The following SLAMF9 variants were observed in gnomAD, a reference collection of about 807,000 sequenced individuals.
SLAMF9 encodes the protein SLAM family member 9, also known as CD2 family member 10.
A neutral mutation model predicts 30.4 loss-of-function variants in SLAMF9; 25 were observed. That is an observed-to-expected ratio of 0.82 (90% confidence interval 0.60 to 1.15). The LOEUF is 1.15. SLAMF9 is among the 50% of genes most tolerant of loss of function. The pLI, the probability that SLAMF9 is intolerant of heterozygous loss-of-function variation, is 0.00. For synonymous variants in SLAMF9, 129 were observed against 127.2 expected, an observed-to-expected ratio of 1.01 and a Z score of -0.09; for missense variants, 344 against 346.1, an observed-to-expected ratio of 0.99 and a Z score of 0.05.
chr1:159,956,322 G>T (rs903972208), upstream of SLAMF9, among the ~76,000 whole-genome samples: 2 of 152,126 alleles, frequency 1.3e-5, no homozygotes, highest in African/African-American at 4.8e-5. Context: ...TTTTAAACAT[G>T]ATCAGGGCAT....
At chr1:159,969,758 A>G in the SLAMF9 span, among the ~76,000 whole-genome samples, 2 of 152,224 alleles carry the variant, frequency 1.3e-5, no homozygotes, top group Non-Finnish European at 2.9e-5. Flanking sequence ...AATAGTGTTT[A>G]TTAGCTGGGT....
upstream of SLAMF9, among the ~76,000 whole-genome samples, chr1:159,958,525 A>G (rs71628160): frequency 0.023 from 3,489 of 151,924 alleles, 59 homozygotes; most frequent in Middle Eastern, 0.054. Flanking sequence ...CAGTGGTGCA[A>G]TCATGGCTCA....
the SLAMF9 span, among the ~76,000 whole-genome samples, chr1:159,982,099 C>G: frequency 7.0e-3 from 1,059 of 152,352 alleles, 4 homozygotes; most frequent in South Asian, 0.021. Flanking sequence ...AGTTGTCCTT[C>G]CTTCAATTCA....
the SLAMF9 span, among the ~76,000 whole-genome samples, chr1:159,964,676 G>A: frequency 3.9e-5 from 6 of 152,186 alleles, no homozygotes; most frequent in African/African-American, 1.4e-4. Context: ...ACAGTTTAAC[G>A]GCAAACCTGG....
the SLAMF9 span, among the ~76,000 whole-genome samples, chr1:159,962,182 C>T: frequency 2.0e-5 from 3 of 151,614 alleles, no homozygotes; most frequent in African/African-American, 4.9e-5. Context: ...TTACCTTTGA[C>T]GGCAAGGGGA....
chr1:159,958,864 T>G (rs1328465737), upstream of SLAMF9, among the ~76,000 whole-genome samples: 2 of 152,210 alleles, frequency 1.3e-5, no homozygotes, highest in Non-Finnish European at 2.9e-5. Flanking sequence ...GGTAGTCTTC[T>G]CTGCCTCAGA....
At chr1:159,968,370 A>G in the SLAMF9 span, among the ~76,000 whole-genome samples, 2 of 152,078 alleles carry the variant, frequency 1.3e-5, no homozygotes, top group East Asian at 3.9e-4. Context: ...TGTACCAAGT[A>G]TTTACTTAGC....
chr1:159,953,269 G>C, intron 2 of SLAMF9, 40 bp downstream of exon 2: 1 of 1,531,584 alleles, frequency 6.5e-7, no homozygotes, highest in South Asian at 1.2e-5. Context: ...GCTCAGAAGA[G>C]CCCCCAAAAC....
intron 2 of SLAMF9, 60 bp downstream of exon 2, chr1:159,953,249 G>T: frequency 2.1e-6 from 3 of 1,411,044 alleles, no homozygotes; most frequent in African/African-American, 1.4e-5. Context: ...CCCACTCCAT[G>T]GTGTGAGAAG....
chr1:159,972,755 G>A, the SLAMF9 span: 1 of 432,782 alleles, frequency 2.3e-6, no homozygotes, highest in Admixed American at 3.7e-5. Context: ...AGCCCCTCTG[G>A]GCCTCACAGA....
At chr1:159,983,633 A>T in the SLAMF9 span, 2 of 152,348 alleles carry the variant, frequency 1.3e-5, no homozygotes, top group Admixed American at 1.3e-4. Flanking sequence ...CTTGCTTGAG[A>T]GGTCAAGCTT....
intron 2 of SLAMF9, 124 bp downstream of exon 2, chr1:159,953,185 G>T: frequency 1.3e-6 from 1 of 756,336 alleles, no homozygotes; most frequent in Non-Finnish European, 2.2e-6. Context: ...CTAGATTGGA[G>T]ACAGTCTGCC....
At chr1:159,956,964 C>CA (rs1651933661), upstream of SLAMF9, among the ~76,000 whole-genome samples, 1 of 151,250 alleles carries the variant, frequency 6.6e-6, no homozygotes, top group Non-Finnish European at 1.5e-5. Context: ...CTAAAAAACA[C>CA]AAAAAAGCTT....
chr1:159,972,440 C>T, the SLAMF9 span: 1 of 152,766 alleles, frequency 6.5e-6, no homozygotes, highest in African/African-American at 2.4e-5. Flanking sequence ...ACACATCTGC[C>T]TCCTCCAAGC....
the SLAMF9 span, chr1:159,972,816 G>C: frequency 3.4e-6 from 3 of 875,794 alleles, no homozygotes; most frequent in African/African-American, 5.2e-5. Flanking sequence ...GTGGTGCAGA[G>C]TGAGCACAGG....
chr1:159,960,728 ACAGGCATGAGT>A, the SLAMF9 span, among the ~76,000 whole-genome samples: 16,464 of 152,142 alleles, frequency 0.11, 988 homozygotes, highest in Middle Eastern at 0.2. Context: ...TGCTGGGATT[ACAGGCATGAGT>A]CACTGCCCCC....
At chr1:159,963,833 G>T in the SLAMF9 span, among the ~76,000 whole-genome samples, 1 of 152,092 alleles carries the variant, frequency 6.6e-6, no homozygotes, top group Non-Finnish European at 1.5e-5. Context: ...GGCCGAGGCG[G>T]GCAGATCACG....
chr1:159,966,174 T>A, the SLAMF9 span, among the ~76,000 whole-genome samples: 1 of 152,230 alleles, frequency 6.6e-6, no homozygotes, highest in South Asian at 2.1e-4. Flanking sequence ...CAACTTTTTT[T>A]ATATTCCACA....
chr1:159,953,273 C>G, intron 2 of SLAMF9, 36 bp downstream of exon 2: 1 of 1,557,796 alleles, frequency 6.4e-7, no homozygotes, highest in Non-Finnish European at 8.8e-7. Flanking sequence ...AGAAGAGCCC[C>G]CAAAACCAGC....
Sources: allele counts gnomAD v4.1 joint callset (sites outside exome capture counted in the v4.1 genomes callset), GRCh38; gene constraint gnomAD v4.1.1; transcripts MANE v1.5; gene names NCBI Gene and HGNC (gene_info 2026-07-23, HGNC 2026-07-21).